Variants in NCAPH observed in about 807,000 individuals in gnomAD.
The protein encoded by NCAPH is condensin complex subunit 2.
A neutral mutation model predicts 85.5 loss-of-function variants in NCAPH; 38 were observed. That is an observed-to-expected ratio of 0.44 (90% CI 0.34 to 0.58). NCAPH has a LOEUF of 0.58. Among genes scored for constraint, NCAPH ranks in the 20% least tolerant of loss-of-function variants. The pLI is 0.01. For missense variants in NCAPH, 789 were observed against 916.6 expected, an observed-to-expected ratio of 0.86 and a Z score of 1.80; for synonymous variants, 301 against 335.1, an observed-to-expected ratio of 0.90 and a Z score of 1.11.
At chr2:96,341,943 G>A in intron 2 of NCAPH, 49 bp downstream of exon 2, 1 of 1,605,514 alleles carries the variant, frequency 6.2e-7, no homozygotes, top group Admixed American at 1.7e-5. Context: ...CCTTGATATG[G>A]GCTGCGTAGG....
rs1043205854 is a variant in NCAPH, at chr2:96,369,016, G to A, written c.2043G>A (p.Val681=). 21 of 1,556,682 alleles carry A rather than the reference G, an allele frequency of 1.3e-5. No homozygotes were observed. The highest frequency in any genetic ancestry group is 1.6e-5 in the Non-Finnish European group (18 of 1,149,796). ...EAGKEAALAE[V]ADEKMLSGLT... is the part of the protein sequence containing the mutation. ...GAAAAGAAGCGGCCCTGGCAGAAGT[G>A]GCTGACGAGAAGATGCTTAGCGGGC... The change falls in exon 16 of 18, where the codon GTG becomes GTA. Residue 681 remains valine (V), a synonymous_variant. Coordinates refer to ENST00000240423, the MANE Select transcript of NCAPH (RefSeq NM_015341.5).
In NCAPH at chr2:96,342,092, G is replaced by A. The variant is rs1419508286; in HGVS notation, c.315G>A (p.Thr105=). ...CTACTATCCCCAAGTTTACAAACAC[G>A]CAGATTACGGAACATTACTCCACCT... ...ISATIPKFTN[T]QITEHYSTCI... The change falls in exon 3 of 18, where the codon ACG becomes ACA. Residue 105 remains threonine, a synonymous_variant. Transcript: ENST00000240423. 3 of 1,612,828 alleles carry A rather than the reference G, an allele frequency of 1.9e-6. No homozygotes were observed. The highest frequency in any genetic ancestry group is 1.1e-5 in the South Asian group (1 of 91,030).
At chr2:96,343,396 TAA>T (rs1041436830) in intron 5 of NCAPH, 92 bp downstream of exon 5, 2 of 1,422,904 alleles carry the variant, frequency 1.4e-6, no homozygotes, top group African/African-American at 1.4e-5. Flanking sequence ...TCACAAGAAA[TAA>T]GTGATCTCAT....
chr2:96,367,083 T>C (rs1172642861), intron 14 of NCAPH, among the ~76,000 whole-genome samples, 174 bp from the exon 15 acceptor site: 1 of 151,854 alleles, frequency 6.6e-6, no homozygotes, highest in African/African-American at 2.4e-5. Flanking sequence ...GTGACAAGAG[T>C]GAAACTCTGT....
rs188259406 is a variant in NCAPH, at chr2:96,359,541, A to C, written c.1357+348A>C. On this transcript the variant is annotated intron_variant, in intron 10 of 17. Transcript: ENST00000240423. ...CACAGGAGCTACTGCACATGTTGGC[A>C]TTCTGTAGAACTCCAAAGGGCTGTG... 25 of 286,850 alleles carry C rather than the reference A, an allele frequency of 8.7e-5. No individual in the cohort carries two copies. In the Middle Eastern group the frequency reaches 4.3e-3, roughly 49 times the overall value. 17.8% of individuals were successfully genotyped at this position (286,850 alleles called of 1,614,324 possible). A position where few individuals can be genotyped will look rare whatever the true frequency, so the allele number is the denominator to read the frequency against.
chr2:96,365,010 G>T (rs927204222), intron 13 of NCAPH, among the ~76,000 whole-genome samples: 1 of 152,034 alleles, frequency 6.6e-6, no homozygotes, highest in Admixed American at 6.6e-5. Flanking sequence ...AAGTCTTCGG[G>T]GTGTATCTCA....
At chr2:96,373,260 C>G (rs1389449829) in intron 17 of NCAPH, 32 bp from the exon 18 acceptor site, 2 of 1,580,162 alleles carry the variant, frequency 1.3e-6, no homozygotes, top group South Asian at 1.1e-5. Flanking sequence ...CTCCGTATAC[C>G]AAAGTCCATG....
rs569092736 is a variant in NCAPH at position 96,342,944 on chromosome 2, G to T, written c.456+96G>T. The T allele has an allele frequency of 2.1e-5, 25 of 1,203,090 alleles. 1 individual carries two copies. In the South Asian group the frequency reaches 2.3e-4, roughly 11 times the overall value. The allele number at this position is 1,203,090 out of a possible 1,614,324, so 74.5% of individuals were successfully genotyped here. ...AGTTGAATGCTGCAAATACATGAGA[G>T]ACTTCTCATTTAGATGTTATGTTAG... On this transcript the variant is annotated intron_variant, in intron 4 of 17. Coordinates refer to ENST00000240423, the MANE Select transcript of NCAPH (RefSeq NM_015341.5).
chr2:96,366,089 T>C, intron 14 of NCAPH, 31 bp downstream of exon 14: 1 of 1,606,066 alleles, frequency 6.2e-7, no homozygotes, highest in Non-Finnish European at 8.5e-7. Flanking sequence ...AATTACATTG[T>C]TTGCCTGAAA....
chr2:96,369,785 T>TAA (rs2064748316), intron 17 of NCAPH, among the ~76,000 whole-genome samples: 1 of 152,242 alleles, frequency 6.6e-6, no homozygotes, highest in South Asian at 2.1e-4. Flanking sequence ...GAGGTGCTTT[T>TAA]ACTTCACGGG....
chr2:96,364,544 G>T lies in NCAPH; in HGVS notation c.1651G>T (p.Asp551Tyr). ...TEHYEEIEDY[D>Y]YNNPNDTSNF... Reference sequence around the variant, plus strand: ...GCATTATGAAGAAATTGAAGACTATGATTACAACAACCCTAACGACACCTC... The same window carrying T: ...GCATTATGAAGAAATTGAAGACTATTATTACAACAACCCTAACGACACCTC... Residue 551 changes from aspartate (D) to tyrosine (Y), a missense_variant, in exon 13 of 18, where the codon GAT becomes TAT. Coordinates refer to ENST00000240423, the MANE Select transcript of NCAPH (RefSeq NM_015341.5). 3 of 1,613,850 alleles carry T rather than the reference G, an allele frequency of 1.9e-6. No individual in the cohort carries two copies. The highest frequency in any genetic ancestry group is 1.1e-5 in the South Asian group (1 of 91,062).
intron 1 of NCAPH, among the ~76,000 whole-genome samples, chr2:96,337,635 G>T (rs1400206370): frequency 6.6e-6 from 1 of 152,108 alleles, no homozygotes; most frequent in Non-Finnish European, 1.5e-5. Flanking sequence ...AGTCAGGGTG[G>T]TCTCGATCTC....
At chr2:96,350,076 C>T (rs147798185) in intron 6 of NCAPH, among the ~76,000 whole-genome samples, 291 of 152,336 alleles carry the variant, frequency 1.9e-3, no homozygotes, top group Non-Finnish European at 2.7e-3. Context: ...TTGGCTAGCG[C>T]CAAGGATTTG....
intron 8 of NCAPH, 31 bp from the exon 9 acceptor site, chr2:96,354,152 A>C (rs1297941846): frequency 1.9e-6 from 3 of 1,599,886 alleles, no homozygotes; most frequent in Non-Finnish European, 1.7e-6. Context: ...TATAGGAATG[A>C]GAATTACAGA....
chr2:96,337,115 T>C (rs750616451), intron 1 of NCAPH, among the ~76,000 whole-genome samples: 4 of 152,210 alleles, frequency 2.6e-5, no homozygotes, highest in African/African-American at 4.8e-5. Flanking sequence ...GGAAGTGTCT[T>C]TGAGCTCAGT....
intron 7 of NCAPH, 76 bp from the exon 8 acceptor site, chr2:96,353,230 G>A: frequency 8.3e-7 from 1 of 1,202,884 alleles, no homozygotes; most frequent in Non-Finnish European, 1.2e-6. Context: ...GTCCCACTCA[G>A]TATCATTCTG....
chr2:96,337,545 G>A lies in NCAPH; in HGVS notation c.19+1697G>A, dbSNP rs182069487. 2.1e-3 allele frequency among the ~76,000 whole-genome samples: 315 copies of A among 151,968 alleles called. 5 individuals carry two copies. The East Asian group carries it at 0.035, about 17-fold the overall frequency. On this transcript the variant is annotated intron_variant, in intron 1 of 17. Transcript: ENST00000240423. ...CGCTATTCTCCTGCCTCAGCCTCCC[G>A]AGTAGCTGGGACTACAGGCTCCTGC...
Position 96,338,960 on chromosome 2 carries a change from G to A in NCAPH, c.20-2682G>A, listed in dbSNP as rs185342805. Among the ~76,000 whole-genome samples the A allele has an allele frequency of 1.2e-3, 184 of 152,190 alleles. No homozygotes were observed. In the Middle Eastern group the frequency reaches 0.017, roughly 14 times the overall value. ...CAAGTAGCTGGGACTACAGGCACCC[G>A]CCACTGCGCCCGGCTCATTTTTTTG... On this transcript the variant is annotated intron_variant, in intron 1 of 17. Transcript: ENST00000240423.
rs1398129836 is a variant in NCAPH at position 96,343,668 on chromosome 2, A to T, written c.595+364A>T. ...TTAAATATGCCTGATGTTTTGAGAGAACTGCGTGTTTTTTGTTTGGTTGGG... is the reference window on the plus strand; with the variant it reads ...TTAAATATGCCTGATGTTTTGAGAGTACTGCGTGTTTTTTGTTTGGTTGGG... On this transcript the variant is annotated intron_variant, in intron 5 of 17. Coordinates refer to ENST00000240423, the MANE Select transcript of NCAPH (RefSeq NM_015341.5). Among the ~76,000 whole-genome samples, 4 of 151,628 alleles carry T rather than the reference A, an allele frequency of 2.6e-5. No individual in the cohort carries two copies. In the South Asian group the frequency reaches 8.3e-4, roughly 32 times the overall value.
Sources: gnomAD v4.1 joint callset for allele counts (sites outside exome capture counted in the v4.1 genomes callset) on GRCh38, gnomAD v4.1.1 for gene constraint, MANE v1.5 for transcripts, NCBI Gene and HGNC (gene_info 2026-07-23, HGNC 2026-07-21) for gene names.